Variants in NUP155 observed in about 807,000 individuals in gnomAD.
NUP155 encodes nucleoporin 155, also known as nuclear pore complex protein Nup155.
Under a neutral mutation model 180.4 loss-of-function variants are expected in NUP155, and 71 were observed. That is an observed-to-expected ratio of 0.39 (90% CI 0.33 to 0.48). The LOEUF (loss-of-function observed/expected upper bound fraction) is 0.48, where lower values mean the gene tolerates loss of function less well. NUP155 is among the 20% of genes least tolerant of loss of function. The pLI, the probability that NUP155 is intolerant of heterozygous loss-of-function variation, is 0.91. For missense variants in NUP155, 1,553 were observed against 1,648.9 expected (o/e 0.94, Z 1.01); for synonymous variants, 582 against 559.5 (o/e 1.04, Z -0.57).
intron 31 of NUP155, among the ~76,000 whole-genome samples, chr5:37,299,189 CA>C (rs1742737618): frequency 6.6e-6 from 1 of 152,152 alleles, no homozygotes; most frequent in Admixed American, 6.5e-5. Flanking sequence ...GTGAGTGTCT[CA>C]GTATCTTTTA....
intron 3 of NUP155, 106 bp downstream of exon 3, chr5:37,363,782 A>G (rs1561816961): frequency 2.2e-5 from 17 of 765,252 alleles, no homozygotes; most frequent in Non-Finnish European, 3.1e-5. Flanking sequence ...CCCAAAGGCT[A>G]GATGAATGAA....
intron 15 of NUP155, among the ~76,000 whole-genome samples, 196 bp downstream of exon 15, chr5:37,329,842 G>A (rs999725433): frequency 1.3e-5 from 2 of 152,146 alleles, no homozygotes; most frequent in African/African-American, 4.8e-5. Flanking sequence ...AAGTAATAAT[G>A]CATAAACTAT....
chr5:37,350,288 C>A lies in NUP155; in HGVS notation c.724-23G>T, dbSNP rs217776. 290,419 of 1,524,262 alleles carry A rather than the reference C, an allele frequency of 0.19. 39,416 individuals are homozygous for A. Among genetic ancestry groups the A allele is most frequent in the African/African-American group, 0.72 (52,478 of 73,264 alleles). The allele number at this position is 1,524,262 out of a possible 1,614,324, so 94.4% of individuals were successfully genotyped here. A position where few individuals can be genotyped will look rare whatever the true frequency, so the allele number is the denominator to read the frequency against. ...AGCCTTAAAGAAAAAAGTAGAAAGA[C>A]GACTTATAAAAGTATGTAACTCCCT... On this transcript the variant is annotated intron_variant, in intron 6 of 34. Coordinates refer to ENST00000231498, the MANE Select transcript of NUP155 (RefSeq NM_153485.3).
At chr5:37,296,998 G>A (rs1742619822) in intron 32 of NUP155, among the ~76,000 whole-genome samples, 1 of 152,064 alleles carries the variant, frequency 6.6e-6, no homozygotes, top group Admixed American at 6.6e-5. Context: ...CCAACATGGT[G>A]AAACCCTGTC....
intron 32 of NUP155, among the ~76,000 whole-genome samples, chr5:37,297,707 T>A (rs1247291194): frequency 6.6e-6 from 1 of 152,072 alleles, no homozygotes; most frequent in Non-Finnish European, 1.5e-5. Flanking sequence ...AAAACAACTA[T>A]CAAAAGTACC....
At chr5:37,365,428 T>C (rs549797927) in intron 1 of NUP155, among the ~76,000 whole-genome samples, 1 of 149,298 alleles carries the variant, frequency 6.7e-6, no homozygotes, top group African/African-American at 2.5e-5. Context: ...ATATACACCG[T>C]TGGGCGCGGT....
chr5:37,300,299 T>C (rs1034113612), intron 30 of NUP155, among the ~76,000 whole-genome samples: 2 of 152,202 alleles, frequency 1.3e-5, no homozygotes, highest in African/African-American at 4.8e-5. Context: ...AATAATCCAA[T>C]TACATTCTCT....
chr5:37,291,657 C>T lies in NUP155; in HGVS notation c.*243G>A. The T allele has an allele frequency of 2.7e-6, 1 of 369,546 alleles. No individual in the cohort carries two copies. The highest frequency in any genetic ancestry group is 4.9e-6 in the Non-Finnish European group (1 of 203,150). 22.9% of individuals were successfully genotyped at this position (369,546 alleles called of 1,614,324 possible). On this transcript the variant is annotated 3_prime_UTR_variant, in exon 35 of 35. Transcript: ENST00000231498. ...ATAAGAGTTTCTAAATTTTTTTAAT[C>T]CTTATGTTAAAATAATAAATAATCT... is the stretch of plus-strand genomic sequence containing the variant.
intron 31 of NUP155, 128 bp downstream of exon 31, chr5:37,299,320 C>G (rs1268148670): frequency 1.2e-5 from 13 of 1,120,762 alleles, no homozygotes; most frequent in Non-Finnish European, 4.0e-6. Flanking sequence ...TCCACTTACT[C>G]TCTTCTTAGG....
In NUP155 at chr5:37,351,209, A is replaced by C; in HGVS notation, c.704T>G (p.Leu235Ter). 1.9e-6 allele frequency: 3 copies of C among 1,613,930 alleles called. No homozygotes were observed. The highest frequency in any genetic ancestry group is 2.5e-6 in the Non-Finnish European group (3 of 1,179,900). The change falls in exon 6 of 35, where the codon TTA becomes TGA. Residue 235 changes from leucine to a stop codon, truncating the protein, a stop_gained. Coordinates refer to ENST00000231498, the MANE Select transcript of NUP155 (RefSeq NM_153485.3). LOFTEE classifies it high-confidence loss of function. ...ACTTACCTGGTAGGCTACTTCATAT[A>C]AACAGCCATCCTTTCCAGCCAAGAA... Reference protein sequence around the residue: ...RIFLAGKDGCLYEVAYQAEAG... With the variant: ...RIFLAGKDGC
At chr5:37,333,740 C>A in intron 12 of NUP155, 107 bp from the exon 13 acceptor site, 1 of 747,776 alleles carries the variant, frequency 1.3e-6, no homozygotes. Flanking sequence ...AGTACATTAA[C>A]ATGAATATTT....
chr5:37,352,153 C>T (rs993062877), intron 5 of NUP155, among the ~76,000 whole-genome samples: 2 of 152,044 alleles, frequency 1.3e-5, no homozygotes, highest in Non-Finnish European at 2.9e-5. Context: ...GTCAGGAGTT[C>T]AAGAACAGCC....
intron 14 of NUP155, 149 bp from the exon 15 acceptor site, chr5:37,330,281 A>G: frequency 1.5e-6 from 1 of 655,632 alleles, no homozygotes; most frequent in South Asian, 1.7e-5. Context: ...TTAGTGTTAA[A>G]AAGACAAGTA....
chr5:37,360,220 C>T (rs1358287720), intron 3 of NUP155, among the ~76,000 whole-genome samples: 4 of 152,014 alleles, frequency 2.6e-5, no homozygotes, highest in South Asian at 4.1e-4. Context: ...TGGTGGCTCA[C>T]GCCTGTAATC....
At chr5:37,335,157 CA>C (rs369127748) in intron 12 of NUP155, among the ~76,000 whole-genome samples, 987 of 62,192 alleles carry the variant, frequency 0.016, 12 homozygotes, top group African/African-American at 0.038. Flanking sequence ...GACTCTGTCA[CA>C]AAAAAAAAAA....
rs1292858526 is a variant in NUP155 at position 37,310,664 on chromosome 5, G to A, written c.2516C>T (p.Ala839Val). The change falls in exon 23 of 35, where the codon GCT becomes GTT. Residue 839 changes from alanine to valine, a missense_variant. Ala to Val is a moderately conservative substitution (Grantham distance 64, BLOSUM62 0). Transcript: ENST00000231498. ...TCTGATGTAGCAGTTGATAAGAGAA[G>A]CAATTAATGCCCCTGTGAGTTCTTT... ...RDKELTGALI[A>V]SLINCYIRDN... is the part of the protein sequence containing the mutation. 1 of 1,613,576 alleles carries A rather than the reference G, an allele frequency of 6.2e-7. No homozygotes were observed. The highest frequency in any genetic ancestry group is 1.3e-5 in the African/African-American group (1 of 74,910).
chr5:37,320,257 A>C (rs1744160157), intron 20 of NUP155, among the ~76,000 whole-genome samples: 1 of 151,996 alleles, frequency 6.6e-6, no homozygotes, highest in Non-Finnish European at 1.5e-5. Context: ...GCGGGTGGAT[A>C]ACCTGAGGTT....
chr5:37,365,237 C>T (rs947895273), intron 1 of NUP155, among the ~76,000 whole-genome samples: 7 of 150,396 alleles, frequency 4.7e-5, no homozygotes, highest in African/African-American at 1.7e-4. Flanking sequence ...CCAGCCTGAG[C>T]GACAGGGCAA....
chr5:37,308,966 C>A (rs766677163), intron 24 of NUP155, among the ~76,000 whole-genome samples, 163 bp downstream of exon 24: 3 of 151,100 alleles, frequency 2.0e-5, no homozygotes, highest in Non-Finnish European at 4.4e-5. Flanking sequence ...TCAAATATTG[C>A]AACACAATGA....
Sources: allele counts gnomAD v4.1 joint callset (sites outside exome capture counted in the v4.1 genomes callset), GRCh38; gene constraint gnomAD v4.1.1; transcripts MANE v1.5; gene names NCBI Gene and HGNC (gene_info 2026-07-23, HGNC 2026-07-21).